Variants in EDIL3 observed in about 807,000 individuals in gnomAD.
EDIL3 encodes EGF like and discoidin domains 3.
In EDIL3, 37 loss-of-function variants were observed where a neutral mutation model predicts 67.4. The observed-to-expected ratio is 0.55, with a 90% CI of 0.42 to 0.72. EDIL3 has a LOEUF of 0.72. Among genes scored for constraint, EDIL3 ranks in the 30% least tolerant of loss-of-function variants. The pLI, the probability that EDIL3 is intolerant of heterozygous loss-of-function variation, is 0.00. For missense variants in EDIL3, 527 were observed against 586.3 expected, an observed-to-expected ratio of 0.90 and a Z score of 1.04; for synonymous variants, 195 against 196.3, an observed-to-expected ratio of 0.99 and a Z score of 0.05.
chr5:84,210,405 A>C (rs1464092594), intron 3 of EDIL3, among the ~76,000 whole-genome samples: 2 of 152,134 alleles, frequency 1.3e-5, no homozygotes, highest in Admixed American at 6.6e-5. Context: ...ATAAATAAAT[A>C]AATCTAGAAT....
intron 9 of EDIL3, among the ~76,000 whole-genome samples, chr5:84,015,694 C>T (rs912733115): frequency 1.4e-4 from 21 of 151,888 alleles, no homozygotes; most frequent in Admixed American, 1.1e-3. Context: ...TAACTCTGTC[C>T]GTTATTTAAA....
At chr5:84,031,971 T>C (rs1008975762) in intron 9 of EDIL3, among the ~76,000 whole-genome samples, 3 of 152,332 alleles carry the variant, frequency 2.0e-5, no homozygotes, top group African/African-American at 7.2e-5. Context: ...AAAAGCATAC[T>C]TGTTCTCGAG....
chr5:84,336,469 A>G (rs1746988125), intron 1 of EDIL3, among the ~76,000 whole-genome samples: 1 of 152,212 alleles, frequency 6.6e-6, no homozygotes, highest in Non-Finnish European at 1.5e-5. Flanking sequence ...GGAGGCTGAA[A>G]CATGAGTCAG....
At chr5:84,232,967 C>T (rs1744612503) in intron 2 of EDIL3, among the ~76,000 whole-genome samples, 1 of 151,990 alleles carries the variant, frequency 6.6e-6, no homozygotes, top group Non-Finnish European at 1.5e-5. Flanking sequence ...ATCATGCTAC[C>T]CAAATGATTA....
chr5:84,139,565 GC>G (rs1233178771), intron 4 of EDIL3, among the ~76,000 whole-genome samples: 1 of 151,946 alleles, frequency 6.6e-6, no homozygotes, highest in Non-Finnish European at 1.5e-5. Context: ...ACAATGTTTG[GC>G]TACCTTGGAA....
chr5:84,069,391 T>G (rs715357), intron 6 of EDIL3, among the ~76,000 whole-genome samples: 64 of 152,310 alleles, frequency 4.2e-4, no homozygotes, highest in African/African-American at 1.5e-3. Flanking sequence ...ACTTCCGACC[T>G]ATATAATCTT....
At chr5:84,159,338 C>CA (rs1748563224) in intron 4 of EDIL3, among the ~76,000 whole-genome samples, 1 of 151,932 alleles carries the variant, frequency 6.6e-6, no homozygotes, top group Non-Finnish European at 1.5e-5. Flanking sequence ...TATCGTGTTT[C>CA]AAAAATCATA....
intron 1 of EDIL3, among the ~76,000 whole-genome samples, chr5:84,338,996 C>T (rs1444743468): frequency 3.9e-5 from 6 of 152,120 alleles, no homozygotes; most frequent in Non-Finnish European, 7.4e-5. Flanking sequence ...TCATCCCTCC[C>T]CTTCCTTCTG....
At chr5:84,248,759 T>G (rs1744962678) in intron 2 of EDIL3, among the ~76,000 whole-genome samples, 1 of 152,178 alleles carries the variant, frequency 6.6e-6, no homozygotes, top group Non-Finnish European at 1.5e-5. Flanking sequence ...TACTCTTAGT[T>G]TCTCCCAAAC....
intron 6 of EDIL3, among the ~76,000 whole-genome samples, chr5:84,082,268 T>C (rs184412584): frequency 2.6e-5 from 4 of 152,322 alleles, no homozygotes; most frequent in Non-Finnish European, 1.5e-5. Context: ...AATTCTGACT[T>C]GGGATCAATT....
chr5:84,059,127 G>A (rs1421088522), intron 9 of EDIL3, among the ~76,000 whole-genome samples: 3 of 152,074 alleles, frequency 2.0e-5, no homozygotes, highest in African/African-American at 7.2e-5. Flanking sequence ...GAAGCCTGAT[G>A]TGGGGGCTTA....
chr5:84,254,306 A>C, intron 1 of EDIL3, 94 bp from the exon 2 acceptor site: 1 of 1,353,256 alleles, frequency 7.4e-7, no homozygotes, highest in South Asian at 1.7e-5. Flanking sequence ...TCCCTTGGCA[A>C]AGTCAAAAGT....
intron 3 of EDIL3, among the ~76,000 whole-genome samples, chr5:84,215,572 A>G (rs538994890): frequency 4.6e-5 from 7 of 152,336 alleles, no homozygotes; most frequent in Admixed American, 2.6e-4. Flanking sequence ...GATATTTTTA[A>G]AAAAATTAAT....
chr5:83,965,793 C>CT (rs766701648), intron 9 of EDIL3, among the ~76,000 whole-genome samples: 1 of 151,610 alleles, frequency 6.6e-6, no homozygotes, highest in Non-Finnish European at 1.5e-5. Context: ...AAATGTTTTT[C>CT]TTTTTTGTTC....
At chr5:84,055,855 G>A (rs574684319) in intron 9 of EDIL3, among the ~76,000 whole-genome samples, 11 of 152,196 alleles carry the variant, frequency 7.2e-5, no homozygotes, top group Non-Finnish European at 1.6e-4. Context: ...CTTTTACACT[G>A]TTGGTGGGAC....
In EDIL3 at chr5:84,301,259, A is replaced by G. The variant is rs1021201563; in HGVS notation, c.68-47047T>C. On this transcript the variant is annotated intron_variant, in intron 1 of 10. Transcript: ENST00000296591. ...CTCCAGCCTGGGCAACAAGAGCGAA[A>G]TTCTGTCTCAAAAAAAAAAGAAAAA... is the stretch of plus-strand genomic sequence containing the variant. Among the ~76,000 whole-genome samples the G allele has an allele frequency of 4.0e-5, 6 of 148,972 alleles. No homozygotes were observed. In the South Asian group the frequency reaches 1.3e-3, roughly 32 times the overall value.
intron 9 of EDIL3, among the ~76,000 whole-genome samples, chr5:83,972,760 C>T (rs1163628250): frequency 6.6e-6 from 1 of 151,918 alleles, no homozygotes; most frequent in East Asian, 1.9e-4. Flanking sequence ...TATTAACAAG[C>T]ACATTTGGAG....
intron 1 of EDIL3, among the ~76,000 whole-genome samples, chr5:84,301,182 CG>C (rs1746153505): frequency 6.6e-6 from 1 of 151,484 alleles, no homozygotes. Context: ...GCGGGAGAAT[CG>C]CTTGAACCCT....
At chr5:84,336,048 A>G (rs1315403826) in intron 1 of EDIL3, among the ~76,000 whole-genome samples, 1 of 152,174 alleles carries the variant, frequency 6.6e-6, no homozygotes, top group African/African-American at 2.4e-5. Flanking sequence ...GTCACTTCCT[A>G]TATGTCCCAC....
Sources: allele counts gnomAD v4.1 joint callset (sites outside exome capture counted in the v4.1 genomes callset), GRCh38; gene constraint gnomAD v4.1.1; transcripts MANE v1.5; gene names NCBI Gene and HGNC (gene_info 2026-07-23, HGNC 2026-07-21).